Variants in MED13L observed in about 807,000 individuals in gnomAD.
MED13L encodes mediator complex subunit 13L.
MED13L carries 7 observed loss-of-function variants against 220.9 expected under a neutral mutation model. The observed-to-expected ratio is 0.03, with a 90% confidence interval of 0.02 to 0.06. MED13L has a LOEUF of 0.06. Among genes scored for constraint, MED13L ranks in the 10% least tolerant of loss-of-function variants. The probability of loss-of-function intolerance (pLI) is 1.00; values close to 1 mark genes in which losing one functional copy is unlikely to be tolerated. For missense variants in MED13L, 1,965 were observed against 2,760.5 expected, an observed-to-expected ratio of 0.71 and a Z score of 6.46; for synonymous variants, 1,011 against 1,015.2, an observed-to-expected ratio of 1.00 and a Z score of 0.08.
At chr12:116,166,683 C>T (rs951017148) in intron 2 of MED13L, among the ~76,000 whole-genome samples, 1 of 152,134 alleles carries the variant, frequency 6.6e-6, no homozygotes, top group Non-Finnish European at 1.5e-5. Context: ...TCATACTTGT[C>T]TTCACTGCAG....
chr12:116,208,259 T>TG (rs1256097986), intron 2 of MED13L, among the ~76,000 whole-genome samples: 1 of 152,088 alleles, frequency 6.6e-6, no homozygotes, highest in African/African-American at 2.4e-5. Context: ...TAGCCAGGTA[T>TG]GGTGGTGGGC....
intron 4 of MED13L, among the ~76,000 whole-genome samples, chr12:116,043,035 AC>A (rs1269218157): frequency 7.2e-5 from 11 of 152,248 alleles, no homozygotes; most frequent in Non-Finnish European, 1.6e-4. Context: ...GTAACATTTA[AC>A]TTCTTTCTGT....
chr12:116,110,463 G>A (rs1873988381), intron 3 of MED13L, among the ~76,000 whole-genome samples: 1 of 152,018 alleles, frequency 6.6e-6, no homozygotes, highest in Admixed American at 6.6e-5. Flanking sequence ...AGAAAGAATG[G>A]TGGCATTTGA....
At position 116,062,314 on chromosome 12, in the gene MED13L, A is replaced by G. The variant is rs138960008; in HGVS notation, c.479+34355T>C. Among the ~76,000 whole-genome samples the G allele has an allele frequency of 2.2e-3, 339 of 151,764 alleles. 1 individual carries two copies. The highest frequency in any genetic ancestry group is 7.9e-3 in the African/African-American group (329 of 41,416). On this transcript the variant is annotated intron_variant, in intron 4 of 30. Coordinates refer to ENST00000281928, the MANE Select transcript of MED13L (RefSeq NM_015335.5). ...ACCATAGGCATGAATCACCAAGACC[A>G]GCTAATATTTTGTATTTTTGGTAGA...
At chr12:116,031,669 A>G (rs1880756871) in intron 4 of MED13L, among the ~76,000 whole-genome samples, 1 of 106,650 alleles carries the variant, frequency 9.4e-6, no homozygotes, top group African/African-American at 3.4e-5. Context: ...GGGACGGGAG[A>G]AAAGAAAAAA....
intron 1 of MED13L, among the ~76,000 whole-genome samples, chr12:116,258,543 G>A (rs1441588788): frequency 6.6e-6 from 1 of 152,050 alleles, no homozygotes; most frequent in African/African-American, 2.4e-5. Flanking sequence ...TTGGGAGGCC[G>A]AGGTGGGCGG....
intron 2 of MED13L, among the ~76,000 whole-genome samples, chr12:116,202,023 G>C (rs1882035078): frequency 6.6e-6 from 1 of 152,260 alleles, no homozygotes; most frequent in East Asian, 1.9e-4. Context: ...AACAGATGTT[G>C]CTGCCTATGC....
Position 116,248,968 on chromosome 12 carries a change from T to C in MED13L, c.73-11263A>G, listed in dbSNP as rs186921950. ...GAAGGCATACAAATGAGGTGGGCCC[T>C]ACAAAGGCCAAGACAGCTGGAATTT... is the stretch of plus-strand genomic sequence containing the variant. On this transcript the variant is annotated intron_variant, in intron 1 of 30. Coordinates refer to ENST00000281928, the MANE Select transcript of MED13L (RefSeq NM_015335.5). Among the ~76,000 whole-genome samples the C allele has an allele frequency of 8.4e-4, 128 of 152,330 alleles. 1 individual carries two copies. The highest frequency in any genetic ancestry group is 1.4e-3 in the Non-Finnish European group (92 of 68,016).
At chr12:115,970,477 T>C in intron 27 of MED13L, 117 bp downstream of exon 27, 1 of 1,068,038 alleles carries the variant, frequency 9.4e-7, no homozygotes, top group Non-Finnish European at 1.4e-6. Flanking sequence ...ATCCCCTCTT[T>C]ATAGTTCCTG....
intron 21 of MED13L, 43 bp downstream of exon 21, chr12:115,983,074 G>A (rs991388850): frequency 3.2e-5 from 50 of 1,587,274 alleles, no homozygotes; most frequent in Non-Finnish European, 4.2e-5. Flanking sequence ...AGAGAGAAAG[G>A]GTCTGAGCTG....
At chr12:116,062,673 A>G (rs1230960002) in intron 4 of MED13L, among the ~76,000 whole-genome samples, 1 of 152,030 alleles carries the variant, frequency 6.6e-6, no homozygotes, top group Non-Finnish European at 1.5e-5. Flanking sequence ...TTTTTAGTAG[A>G]GACAGGGTTT....
At chr12:116,033,358 T>G (rs558510273) in intron 4 of MED13L, among the ~76,000 whole-genome samples, 2 of 152,312 alleles carry the variant, frequency 1.3e-5, no homozygotes, top group Non-Finnish European at 2.9e-5. Flanking sequence ...AGGAAACCAC[T>G]ATAAAAATTA....
chr12:116,095,416 AT>A (rs1872567017), intron 4 of MED13L, among the ~76,000 whole-genome samples: 1 of 152,200 alleles, frequency 6.6e-6, no homozygotes, highest in Admixed American at 6.5e-5. Flanking sequence ...AATTTATCTG[AT>A]TTGAAAATTT....
chr12:115,979,447 A>C (rs1262882523), intron 23 of MED13L, among the ~76,000 whole-genome samples: 3 of 152,220 alleles, frequency 2.0e-5, no homozygotes, highest in Non-Finnish European at 2.9e-5. Flanking sequence ...GAAGTGAAAA[A>C]TTCAAACTCA....
At chr12:116,126,871 CCCCTTCTAGTTACAAAA>C (rs1475822850) in intron 2 of MED13L, among the ~76,000 whole-genome samples, 12 of 152,174 alleles carry the variant, frequency 7.9e-5, no homozygotes, top group Non-Finnish European at 1.3e-4. Flanking sequence ...AACCAATCTA[CCCCTTCTAGTTACAAAA>C]CCCAGGACCC....
intron 2 of MED13L, among the ~76,000 whole-genome samples, chr12:116,229,121 GC>G (rs149367456): frequency 6.6e-6 from 1 of 152,146 alleles, no homozygotes; most frequent in Non-Finnish European, 1.5e-5. Flanking sequence ...GAAAGTACAA[GC>G]TTTTGAAATA....
chr12:116,230,130 G>A (rs763862388), intron 2 of MED13L, among the ~76,000 whole-genome samples: 37 of 152,002 alleles, frequency 2.4e-4, no homozygotes, highest in Non-Finnish European at 4.6e-4. Flanking sequence ...GTAGCTGGGC[G>A]TGGTGGCTCA....
intron 26 of MED13L, among the ~76,000 whole-genome samples, chr12:115,971,648 T>C (rs1010289583): frequency 6.6e-6 from 1 of 152,238 alleles, no homozygotes; most frequent in South Asian, 2.1e-4. Context: ...TTCCCATTCA[T>C]CTTCAACCGT....
chr12:116,026,142 A>G (rs1202479313), intron 4 of MED13L, among the ~76,000 whole-genome samples: 1 of 152,224 alleles, frequency 6.6e-6, no homozygotes, highest in Non-Finnish European at 1.5e-5. Context: ...AAGGAGTCAA[A>G]AAAAGGATGT....
Sources: allele counts gnomAD v4.1 joint callset (sites outside exome capture counted in the v4.1 genomes callset), GRCh38; gene constraint gnomAD v4.1.1; transcripts MANE v1.5; gene names NCBI Gene and HGNC (gene_info 2026-07-23, HGNC 2026-07-21).